The following MTUS1 variants were observed in gnomAD, a reference collection of about 807,000 sequenced individuals.
MTUS1 encodes microtubule associated scaffold protein 1, also known as microtubule-associated tumor suppressor 1.
In MTUS1, 109 loss-of-function variants were observed where a neutral mutation model predicts 120.8. That is an observed-to-expected ratio of 0.90 (90% CI 0.77 to 1.06). MTUS1 has a LOEUF of 1.06. Among genes scored for constraint, MTUS1 ranks in the 50% least tolerant of loss-of-function variants. The probability of loss-of-function intolerance (pLI) is 0.00; values close to 1 mark genes in which losing one functional copy is unlikely to be tolerated. For missense variants in MTUS1, 2,210 were observed against 1,486.3 expected, an observed-to-expected ratio of 1.49 and a Z score of -8.01; for synonymous variants, 737 against 550.5, an observed-to-expected ratio of 1.34 and a Z score of -4.74.
At chr8:17,761,034 A>G (rs2131377751) in intron 1 of MTUS1, among the ~76,000 whole-genome samples, 1 of 152,286 alleles carries the variant, frequency 6.6e-6, no homozygotes, top group South Asian at 2.1e-4. Context: ...TTCAGAGAAC[A>G]TTTTGGACCA....
chr8:17,739,360 G>T (rs938753589), intron 3 of MTUS1, among the ~76,000 whole-genome samples: 7 of 152,032 alleles, frequency 4.6e-5, no homozygotes, highest in Admixed American at 2.0e-4. Flanking sequence ...AGGTGTGGTG[G>T]TTCATGCCTG....
rs1374954593 is a variant in MTUS1 at position 17,755,173 on chromosome 8, T to A, written c.635A>T (p.His212Leu). The part of the protein sequence containing the change: ...SLSYSTWTSS[H>L]SDKTHARETT... Reference sequence around the variant, plus strand: ...TTCTCTTGCATGCGTCTTATCAGAATGGGAAGATGTCCAAGTGGAATAGGA... The same window carrying A: ...TTCTCTTGCATGCGTCTTATCAGAAAGGGAAGATGTCCAAGTGGAATAGGA... Residue 212 changes from histidine (H) to leucine (L), a missense_variant, in exon 2 of 15, where the codon CAT becomes CTT. Transcript: ENST00000693296. 2 of 1,614,090 alleles carry A rather than the reference T, an allele frequency of 1.2e-6. No individual in the cohort carries two copies. Among genetic ancestry groups the A allele is most frequent in the African/African-American group, 2.7e-5 (2 of 74,934 alleles).
At chr8:17,732,185 G>C (rs1403961145) in intron 3 of MTUS1, among the ~76,000 whole-genome samples, 1 of 152,216 alleles carries the variant, frequency 6.6e-6, no homozygotes, top group African/African-American at 2.4e-5. Context: ...GCTGATGTGA[G>C]ATGAGTGGAG....
chr8:17,766,687 G>A (rs2049528013), intron 1 of MTUS1, among the ~76,000 whole-genome samples: 1 of 152,184 alleles, frequency 6.6e-6, no homozygotes, highest in South Asian at 2.1e-4. Flanking sequence ...TGTGGGGTCT[G>A]AGAATGTACA....
At chr8:17,797,504 G>A (rs1185851634) in intron 1 of MTUS1, among the ~76,000 whole-genome samples, 5 of 152,164 alleles carry the variant, frequency 3.3e-5, no homozygotes, top group Non-Finnish European at 7.4e-5. Context: ...CCAAAACCAG[G>A]TATAAAGTCT....
chr8:17,740,167 C>T (rs2047205589), intron 3 of MTUS1, among the ~76,000 whole-genome samples: 1 of 151,212 alleles, frequency 6.6e-6, no homozygotes, highest in Non-Finnish European at 1.5e-5. Context: ...GAGATTGCAC[C>T]ATTGCACTCC....
At chr8:17,713,776 T>A (rs1340796768) in intron 5 of MTUS1, among the ~76,000 whole-genome samples, 1 of 152,210 alleles carries the variant, frequency 6.6e-6, no homozygotes, top group East Asian at 1.9e-4. Context: ...TCTATGATGC[T>A]TCTACTTAAC....
At chr8:17,791,043 G>A (rs561044000) in intron 1 of MTUS1, among the ~76,000 whole-genome samples, 9 of 152,274 alleles carry the variant, frequency 5.9e-5, no homozygotes, top group African/African-American at 2.2e-4. Context: ...CCTGGCAACA[G>A]AAACTTATTA....
At position 17,656,254 on chromosome 8, in the gene MTUS1, G is replaced by A. The variant is rs539824669; in HGVS notation, c.2906-189C>T. 6.8e-4 allele frequency among the ~76,000 whole-genome samples: 104 copies of A among 152,240 alleles called. 1 individual carries two copies. Among genetic ancestry groups the A allele is most frequent in the Middle Eastern group, 6.8e-3 (2 of 294 alleles). On this transcript the variant is annotated intron_variant, in intron 8 of 14. Coordinates refer to ENST00000693296, the MANE Select transcript of MTUS1 (RefSeq NM_001363059.2). ...GTAAAAAGGAACACGAGGGCAGGGC[G>A]CAGTGGCTCACACCTGTAATCCCAG...
rs537957904 is a variant in MTUS1 at position 17,754,063 on chromosome 8, A to C, written c.1745T>G (p.Leu582Arg). Reference protein sequence around the residue: ...NKTHKQQFNKLITSQAVHVTT... With the variant: ...NKTHKQQFNKRITSQAVHVTT... ...AACATGCACAGCCTGGCTAGTAATGAGTTTATTAAACTGCTGCTTATGTGT... is the reference window on the plus strand; with the variant it reads ...AACATGCACAGCCTGGCTAGTAATGCGTTTATTAAACTGCTGCTTATGTGT... The change falls in exon 2 of 15, where the codon CTC becomes CGC. Residue 582 changes from leucine to arginine, a missense_variant. Physicochemically the swap from Leu to Arg is moderately radical, Grantham distance 102. Transcript: ENST00000693296. 6 of 1,613,910 alleles carry C rather than the reference A, an allele frequency of 3.7e-6. No individual in the cohort carries two copies. In the African/African-American group the frequency reaches 8.0e-5, roughly 22 times the overall value.
intron 7 of MTUS1, among the ~76,000 whole-genome samples, chr8:17,683,686 G>C (rs994936414): frequency 1.3e-5 from 2 of 151,952 alleles, no homozygotes; most frequent in African/African-American, 2.4e-5. Context: ...ATTCTTATCA[G>C]TTGCCCCCTG....
At chr8:17,784,520 C>T (rs909141992) in intron 1 of MTUS1, among the ~76,000 whole-genome samples, 14 of 152,048 alleles carry the variant, frequency 9.2e-5, no homozygotes, top group African/African-American at 3.1e-4. Flanking sequence ...GTTTTGAACT[C>T]CTAATCTCAG....
intron 1 of MTUS1, among the ~76,000 whole-genome samples, chr8:17,763,748 T>A (rs2049235731): frequency 6.6e-6 from 1 of 152,158 alleles, no homozygotes; most frequent in African/African-American, 2.4e-5. Flanking sequence ...CTAACTCATC[T>A]CCTCTTCTTT....
At chr8:17,749,331 C>T (rs139010461) in intron 2 of MTUS1, among the ~76,000 whole-genome samples, 1 of 152,168 alleles carries the variant, frequency 6.6e-6, no homozygotes, top group African/African-American at 2.4e-5. Context: ...TTTGTTGATT[C>T]CAGGTCTTTA....
At chr8:17,758,672 TACTC>T (rs1462567515) in intron 1 of MTUS1, among the ~76,000 whole-genome samples, 1 of 152,234 alleles carries the variant, frequency 6.6e-6, no homozygotes, top group Middle Eastern at 3.2e-3. Context: ...TAACAGCTAA[TACTC>T]AGTTAACAGA....
chr8:17,644,246 T>TAAAG lies in MTUS1; in HGVS notation c.*1676_*1679dup, dbSNP rs1284319818. The TAAAG allele has an allele frequency of 6.6e-6, 1 of 152,622 alleles. No homozygotes were observed. The highest frequency in any genetic ancestry group is 1.5e-5 in the Non-Finnish European group (1 of 68,044). 9.5% of individuals were successfully genotyped at this position (152,622 alleles called of 1,614,324 possible). On this transcript the variant is annotated 3_prime_UTR_variant, in exon 15 of 15. Transcript: ENST00000693296. ...ACATACATGATGAAGTATTGGAAGT[T>TAAAG]AAAGACTTAAGACACAAAATCACTA...
At chr8:17,652,160 A>G (rs1343842176) in intron 12 of MTUS1, among the ~76,000 whole-genome samples, 1 of 152,256 alleles carries the variant, frequency 6.6e-6, no homozygotes, top group Non-Finnish European at 1.5e-5. Flanking sequence ...AGGCAGAAGC[A>G]GCAAGGAAAC....
chr8:17,683,229 G>A (rs901647237), intron 7 of MTUS1, among the ~76,000 whole-genome samples: 5 of 152,070 alleles, frequency 3.3e-5, no homozygotes, highest in East Asian at 3.9e-4. Flanking sequence ...CTGAGATGGC[G>A]CCACTGCACT....
rs377602735 is a variant in MTUS1 at position 17,755,161 on chromosome 8, G to T, written c.647C>A (p.Thr216Lys). Residue 216 changes from threonine to lysine, a missense_variant, in exon 2 of 15, where the codon ACG (threonine) becomes AAG (lysine). Coordinates refer to ENST00000693296, the MANE Select transcript of MTUS1 (RefSeq NM_001363059.2). ...STWTSSHSDK[T>K]HARETTYDRE... ...ATCATAAGTAGTTTCTCTTGCATGC[G>T]TCTTATCAGAATGGGAAGATGTCCA... 6.8e-6 allele frequency: 11 copies of T among 1,613,982 alleles called. No homozygotes were observed. In the East Asian group the frequency reaches 1.6e-4, roughly 23 times the overall value.
Sources: allele counts gnomAD v4.1 joint callset (sites outside exome capture counted in the v4.1 genomes callset), GRCh38; gene constraint gnomAD v4.1.1; transcripts MANE v1.5; gene names NCBI Gene and HGNC (gene_info 2026-07-23, HGNC 2026-07-21).